TMEM132D: variants seen among roughly 807,000 people sequenced by gnomAD.
TMEM132D encodes mature OL transmembrane protein.
Under a neutral mutation model 62.3 loss-of-function variants are expected in TMEM132D, and 21 were observed. The observed-to-expected ratio is 0.34, with a 90% CI of 0.24 to 0.49. The LOEUF (loss-of-function observed/expected upper bound fraction) is 0.49. TMEM132D is among the 20% of genes least tolerant of loss of function. TMEM132D has a pLI of 0.99. For synonymous variants in TMEM132D, 621 were observed against 575.6 expected, an observed-to-expected ratio of 1.08 and a Z score of -1.13; for missense variants, 1,346 against 1,402.8, an observed-to-expected ratio of 0.96 and a Z score of 0.65.
intron 2 of TMEM132D, among the ~76,000 whole-genome samples, chr12:129,645,237 C>T (rs1879743640): frequency 6.6e-6 from 1 of 152,134 alleles, no homozygotes; most frequent in African/African-American, 2.4e-5. Context: ...AAGGAGGCTT[C>T]ACCTACATAC....
intron 4 of TMEM132D, among the ~76,000 whole-genome samples, chr12:129,267,164 T>C (rs1342004410): frequency 1.3e-5 from 2 of 149,794 alleles, no homozygotes; most frequent in Non-Finnish European, 3.0e-5. Flanking sequence ...TGGTCCCTGT[T>C]GAGGGTTTTT....
chr12:129,788,843 G>A (rs1016831770), intron 1 of TMEM132D, among the ~76,000 whole-genome samples: 1 of 152,134 alleles, frequency 6.6e-6, no homozygotes, highest in African/African-American at 2.4e-5. Context: ...CCTAGGAGAA[G>A]AGCCTCCCAG....
Position 129,100,620 on chromosome 12 carries a change from T to C in TMEM132D, c.1444-15918A>G, listed in dbSNP as rs115733277. Among the ~76,000 whole-genome samples the C allele has an allele frequency of 6.6e-3, 1,011 of 152,324 alleles. 16 individuals are homozygous for C. The highest frequency in any genetic ancestry group is 0.023 in the African/African-American group (967 of 41,576). ...TTCTATCTTCCAGCAATGCTTGACA[T>C]ATAATAAGGCCTCAATAATTTTTTT... On this transcript the variant is annotated intron_variant, in intron 5 of 8. Transcript: ENST00000422113.
chr12:129,159,903 G>C (rs1019209319), intron 5 of TMEM132D, among the ~76,000 whole-genome samples: 2 of 152,158 alleles, frequency 1.3e-5, no homozygotes, highest in African/African-American at 4.8e-5. Flanking sequence ...GTGGATACAA[G>C]TGGGCAGCCA....
In TMEM132D at chr12:129,903,224, G is replaced by A. The variant is rs1390772549; in HGVS notation, c.79+37C>T. ...CTCCCACACACTCACTCCAGGCGAAGTTAGTCCCCGGGCCCTGGCGGCCGC... is the reference window on the plus strand; with the variant it reads ...CTCCCACACACTCACTCCAGGCGAAATTAGTCCCCGGGCCCTGGCGGCCGC... On this transcript the variant is annotated intron_variant, in intron 1 of 8. Coordinates refer to ENST00000422113, the MANE Select transcript of TMEM132D (RefSeq NM_133448.3). The surrounding 1 kb of genome is among the most constrained non-coding windows in gnomAD (Gnocchi z 6.2). 7 of 1,549,932 alleles carry A rather than the reference G, an allele frequency of 4.5e-6. No individual in the cohort carries two copies. In the South Asian group the frequency reaches 7.1e-5, roughly 16 times the overall value.
At chr12:129,473,962 A>T (rs1874181815) in intron 3 of TMEM132D, among the ~76,000 whole-genome samples, 1 of 152,222 alleles carries the variant, frequency 6.6e-6, no homozygotes, top group Admixed American at 6.5e-5. Flanking sequence ...CAAACCAGGC[A>T]TCTATGAACC....
At chr12:129,775,816 A>G (rs1013460338) in intron 1 of TMEM132D, among the ~76,000 whole-genome samples, 1 of 152,220 alleles carries the variant, frequency 6.6e-6, no homozygotes, top group Non-Finnish European at 1.5e-5. Context: ...CACCTGCCAT[A>G]ATTCCAGAGT....
intron 2 of TMEM132D, among the ~76,000 whole-genome samples, chr12:129,590,758 C>G (rs554105505): frequency 1.3e-5 from 2 of 152,310 alleles, no homozygotes; most frequent in South Asian, 4.1e-4. Flanking sequence ...ACTATCATAA[C>G]TGTTTTGTCC....
intron 4 of TMEM132D, among the ~76,000 whole-genome samples, chr12:129,318,895 G>C (rs1566031902): frequency 6.6e-6 from 1 of 152,092 alleles, no homozygotes; most frequent in Non-Finnish European, 1.5e-5. Flanking sequence ...AGGTTGTCAG[G>C]AAAGTGGGGG....
At chr12:129,514,952 A>G (rs545877093) in intron 3 of TMEM132D, among the ~76,000 whole-genome samples, 8 of 152,294 alleles carry the variant, frequency 5.3e-5, no homozygotes, top group Non-Finnish European at 1.0e-4. Context: ...AGGACTGCCT[A>G]TAATAGAATT....
chr12:129,480,546 A>G (rs1296261020), intron 3 of TMEM132D, among the ~76,000 whole-genome samples: 1 of 152,166 alleles, frequency 6.6e-6, no homozygotes, highest in Non-Finnish European at 1.5e-5. Context: ...CTTTGCAGCA[A>G]TGCTGTCCCA....
chr12:129,236,737 G>T (rs937146555), intron 4 of TMEM132D, among the ~76,000 whole-genome samples: 1 of 151,804 alleles, frequency 6.6e-6, no homozygotes, highest in Non-Finnish European at 1.5e-5. Context: ...TCACTTCATT[G>T]CTCTAGCTAG....
chr12:129,193,292 A>G (rs1178707714), intron 5 of TMEM132D, among the ~76,000 whole-genome samples: 1 of 152,116 alleles, frequency 6.6e-6, no homozygotes, highest in Admixed American at 6.5e-5. Context: ...TCATGCTTTA[A>G]TGCAGCTGTT....
chr12:129,305,990 T>C (rs1881838135), intron 4 of TMEM132D, among the ~76,000 whole-genome samples: 1 of 152,190 alleles, frequency 6.6e-6, no homozygotes, highest in African/African-American at 2.4e-5. Context: ...CTTCTGTAAA[T>C]GCCACTTCAA....
chr12:129,734,119 G>A (rs1207405076), intron 1 of TMEM132D, among the ~76,000 whole-genome samples: 1 of 152,130 alleles, frequency 6.6e-6, no homozygotes, highest in Non-Finnish European at 1.5e-5. Flanking sequence ...GGCCAGCAAG[G>A]GGAGAGCTGT....
intron 5 of TMEM132D, among the ~76,000 whole-genome samples, chr12:129,144,893 T>C (rs1876846642): frequency 7.2e-6 from 1 of 138,846 alleles, no homozygotes; most frequent in Non-Finnish European, 1.6e-5. Flanking sequence ...ACCTATTATC[T>C]ATCCTGCTCT....
At position 129,371,334 on chromosome 12, in the gene TMEM132D, GTGA is replaced by G. The variant is rs1376267035; in HGVS notation, c.1116-33520_1116-33518del. 6.6e-6 allele frequency among the ~76,000 whole-genome samples: 1 copy of G among 151,762 alleles called. No individual in the cohort carries two copies. Among genetic ancestry groups the G allele is most frequent in the African/African-American group, 2.4e-5 (1 of 41,300 alleles). On this transcript the variant is annotated intron_variant, in intron 3 of 8. Coordinates refer to ENST00000422113, the MANE Select transcript of TMEM132D (RefSeq NM_133448.3). This position sits in a 1 kb window ranked among gnomAD's most constrained non-coding sequence, Gnocchi z 4.3. ...GATGATGGTGGTGGTGATAACGATG[GTGA>G]TGATTATAATGATGGTGACAATAAT...
intron 4 of TMEM132D, among the ~76,000 whole-genome samples, chr12:129,229,578 T>A (rs1019137040): frequency 1.3e-5 from 2 of 152,148 alleles, no homozygotes; most frequent in Non-Finnish European, 2.9e-5. Flanking sequence ...GGCTACAGAA[T>A]TTTCTGTAGG....
chr12:129,110,308 G>A (rs1441739642), intron 5 of TMEM132D: 1 of 152,124 alleles, frequency 6.6e-6, no homozygotes, highest in Non-Finnish European at 1.5e-5. Flanking sequence ...TAGGGGCGAG[G>A]GAGGAAAACA....
Sources: gnomAD v4.1 joint callset for allele counts (sites outside exome capture counted in the v4.1 genomes callset) on GRCh38, gnomAD v4.1.1 for gene constraint, Gnocchi (gnomAD v3.1) non-coding constraint, MANE v1.5 for transcripts, NCBI Gene and HGNC (gene_info 2026-07-23, HGNC 2026-07-21) for gene names.